Variants in ADARB2 observed in about 807,000 individuals in gnomAD.
ADARB2 encodes adenosine deaminase RNA specific B2 (inactive).
In ADARB2, 25 loss-of-function variants were observed where a neutral mutation model predicts 62.2. That is an observed-to-expected ratio of 0.40 (90% CI 0.29 to 0.56). The LOEUF (loss-of-function observed/expected upper bound fraction) is 0.56. ADARB2 is among the 20% of genes least tolerant of loss of function. The pLI is 0.43. For missense variants in ADARB2, 1,071 were observed against 1,077.4 expected, an observed-to-expected ratio of 0.99 and a Z score of 0.08; for synonymous variants, 572 against 500.8, an observed-to-expected ratio of 1.14 and a Z score of -1.90.
At chr10:1,360,285 G>T (rs2820614) in intron 3 of ADARB2, among the ~76,000 whole-genome samples, 4 of 152,070 alleles carry the variant, frequency 2.6e-5, no homozygotes, top group Non-Finnish European at 4.4e-5. Flanking sequence ...TTTTCCGAGC[G>T]TGGGACACAG....
chr10:1,622,836 G>A lies in ADARB2; in HGVS notation c.100+114215C>T, dbSNP rs942225588. Among the ~76,000 whole-genome samples, 6 of 152,096 alleles carry A rather than the reference G, an allele frequency of 3.9e-5. No homozygotes were observed. The South Asian group carries it at 6.2e-4, about 16-fold the overall frequency. The stretch of plus-strand genomic sequence containing the variant: ...ACTTCAGCACCTAGGCACCCACCTC[G>A]GAGGAATGAAAACACGTCCACGCAA... On this transcript the variant is annotated intron_variant, in intron 1 of 9. Transcript: ENST00000381312.
intron 2 of ADARB2, among the ~76,000 whole-genome samples, chr10:1,366,100 G>A (rs1172018862): frequency 2.6e-5 from 4 of 152,188 alleles, no homozygotes; most frequent in Non-Finnish European, 5.9e-5. Flanking sequence ...CTGCTGATGC[G>A]TGGGTAATAA....
intron 1 of ADARB2, among the ~76,000 whole-genome samples, chr10:1,606,623 G>A (rs561678167): frequency 2.2e-4 from 33 of 152,294 alleles, no homozygotes; most frequent in African/African-American, 7.9e-4. Context: ...GTGCAGGGAA[G>A]GGATGATTTC....
At chr10:1,682,882 C>CA (rs1374938571) in intron 1 of ADARB2, among the ~76,000 whole-genome samples, 19 of 152,200 alleles carry the variant, frequency 1.2e-4, no homozygotes, top group Admixed American at 1.2e-3. Flanking sequence ...GCAAGGGCTG[C>CA]AGATGAGAGA....
chr10:1,605,415 TC>T (rs1020513424), intron 1 of ADARB2, among the ~76,000 whole-genome samples: 36 of 152,370 alleles, frequency 2.4e-4, no homozygotes, highest in African/African-American at 8.4e-4. Flanking sequence ...CTGGTGCCCT[TC>T]TTTCCTTGCC....
chr10:1,709,792 TA>T (rs1300030056), intron 1 of ADARB2, among the ~76,000 whole-genome samples: 1 of 152,200 alleles, frequency 6.6e-6, no homozygotes. Context: ...CTCCTTCCCT[TA>T]CCTCAACCAG....
chr10:1,276,607 A>G (rs542559400), intron 3 of ADARB2, among the ~76,000 whole-genome samples: 38 of 152,334 alleles, frequency 2.5e-4, no homozygotes, highest in Admixed American at 1.2e-3. Context: ...TTCATAAAGC[A>G]AGTCCTTAGA....
chr10:1,562,398 G>A (rs1588303714), intron 1 of ADARB2, among the ~76,000 whole-genome samples: 1 of 152,202 alleles, frequency 6.6e-6, no homozygotes, highest in South Asian at 2.1e-4. Context: ...GACCCTCCTA[G>A]TTACGAGCCT....
chr10:1,400,623 C>G (rs942933511), intron 1 of ADARB2, among the ~76,000 whole-genome samples: 1 of 152,182 alleles, frequency 6.6e-6, no homozygotes, highest in African/African-American at 2.4e-5. Flanking sequence ...CAGTAAAGCA[C>G]CCTGAGCTAC....
chr10:1,250,759 C>G (rs1454013722), intron 4 of ADARB2, among the ~76,000 whole-genome samples: 2 of 152,162 alleles, frequency 1.3e-5, no homozygotes, highest in African/African-American at 4.8e-5. Flanking sequence ...TTGTTTTTAA[C>G]TGGGCAAGCT....
chr10:1,289,232 GC>G (rs1479509764), intron 3 of ADARB2, among the ~76,000 whole-genome samples: 1 of 152,204 alleles, frequency 6.6e-6, no homozygotes, highest in Non-Finnish European at 1.5e-5. Flanking sequence ...GGAAGCCGCT[GC>G]TTTGAGTTGT....
rs547394035 is a variant in ADARB2, at chr10:1,184,972, G to C, written c.1932C>G (p.Gly644=). Residue 644 remains glycine (G), a synonymous_variant, in exon 9 of 10, where the codon GGC becomes GGG. Transcript: ENST00000381312. The part of the protein sequence containing the change: ...SPPFSMNWVV[G]SADLEIINAT... ...CGTTGATAATCTCCAGGTCCGCGCT[G>C]CCCACGACCCAGTTCATGCTGAAGG... 6.2e-7 allele frequency: 1 copy of C among 1,613,836 alleles called. No individual in the cohort carries two copies. The highest frequency in any genetic ancestry group is 1.7e-5 in the Admixed American group (1 of 60,026).
chr10:1,707,749 A>G (rs942879107), intron 1 of ADARB2, among the ~76,000 whole-genome samples: 1 of 152,162 alleles, frequency 6.6e-6, no homozygotes, highest in Non-Finnish European at 1.5e-5. Flanking sequence ...TTTATAAACT[A>G]GACATTTGGC....
At chr10:1,717,051 AGTTATTCTGATCACAT>A (rs200531448) in intron 1 of ADARB2, among the ~76,000 whole-genome samples, 53,119 of 148,214 alleles carry the variant, frequency 0.36, 10,595 homozygotes, top group South Asian at 0.51. Context: ...TCTGATCACA[AGTTATTCTGATCACAT>A]GTTATTCTGA....
At chr10:1,515,635 G>A (rs892303801) in intron 1 of ADARB2, among the ~76,000 whole-genome samples, 2 of 152,232 alleles carry the variant, frequency 1.3e-5, no homozygotes, top group Non-Finnish European at 2.9e-5. Context: ...CCCACAGTGA[G>A]AGGGTGGACC....
At chr10:1,195,843 G>T (rs554015340) in intron 8 of ADARB2, among the ~76,000 whole-genome samples, 139 of 152,238 alleles carry the variant, frequency 9.1e-4, no homozygotes, top group African/African-American at 3.2e-3. Context: ...GGCTTTTATG[G>T]CACCGTCCTA....
intron 1 of ADARB2, among the ~76,000 whole-genome samples, chr10:1,485,447 A>G (rs986951567): frequency 6.6e-6 from 1 of 152,068 alleles, no homozygotes; most frequent in Non-Finnish European, 1.5e-5. Context: ...ACATGTACCT[A>G]TGGCAGCATG....
chr10:1,605,799 C>T (rs1254951791), intron 1 of ADARB2, among the ~76,000 whole-genome samples: 2 of 152,096 alleles, frequency 1.3e-5, no homozygotes, highest in African/African-American at 4.8e-5. Flanking sequence ...CGTATATTGG[C>T]TTAGAATATG....
intron 3 of ADARB2, among the ~76,000 whole-genome samples, chr10:1,320,469 C>A (rs1197864268): frequency 6.6e-6 from 1 of 152,158 alleles, no homozygotes; most frequent in Non-Finnish European, 1.5e-5. Flanking sequence ...TCAGGCAAGA[C>A]CTCAATTTCA....
Sources: allele counts gnomAD v4.1 joint callset (sites outside exome capture counted in the v4.1 genomes callset), GRCh38; gene constraint gnomAD v4.1.1; transcripts MANE v1.5; gene names NCBI Gene and HGNC (gene_info 2026-07-23, HGNC 2026-07-21).